KIAA1217: variants seen among roughly 807,000 people sequenced by gnomAD.
KIAA1217 encodes the protein sickle tail protein homolog.
In KIAA1217, 88 loss-of-function variants were observed where a neutral mutation model predicts 163.9. The ratio of observed to expected loss-of-function variants is 0.54; its 90% confidence interval spans 0.45 to 0.64. KIAA1217 has a LOEUF of 0.64. KIAA1217 is among the 30% of genes least tolerant of loss of function. The pLI is 0.00. For missense variants in KIAA1217, 2,372 were observed against 2,475.0 expected (o/e 0.96, Z 0.88); for synonymous variants, 903 against 923.1 (o/e 0.98, Z 0.39).
intron 1 of KIAA1217, among the ~76,000 whole-genome samples, chr10:23,964,848 C>A (rs937520669): frequency 6.6e-5 from 10 of 152,186 alleles, no homozygotes; most frequent in African/African-American, 2.4e-4. Flanking sequence ...AGCCACCATG[C>A]CTGGCCAACA....
chr10:24,184,865 G>C (rs1209191700), intron 2 of KIAA1217, among the ~76,000 whole-genome samples: 2 of 152,168 alleles, frequency 1.3e-5, no homozygotes, highest in Admixed American at 6.5e-5. Flanking sequence ...AGACACGCTG[G>C]AGAATTCTGC....
At chr10:24,173,262 C>T (rs1373149421) in intron 2 of KIAA1217, among the ~76,000 whole-genome samples, 1 of 152,122 alleles carries the variant, frequency 6.6e-6, no homozygotes, top group African/African-American at 2.4e-5. Flanking sequence ...TCCCCTATCA[C>T]CCCCAAATGG....
At chr10:23,762,208 C>T (rs1834291616) in intron 1 of KIAA1217, among the ~76,000 whole-genome samples, 1 of 152,006 alleles carries the variant, frequency 6.6e-6, no homozygotes, top group Admixed American at 6.6e-5. Context: ...GAGCTGATAC[C>T]ATTCCTTCTG....
chr10:24,030,379 A>G (rs4748925), intron 2 of KIAA1217, among the ~76,000 whole-genome samples: 150,169 of 152,100 alleles, frequency 0.99, 74,146 homozygotes, highest in Middle Eastern at 1. Context: ...AGATCTAATG[A>G]TTTAAAAGTG....
intron 2 of KIAA1217, among the ~76,000 whole-genome samples, chr10:24,274,823 T>C (rs1306240578): frequency 6.6e-6 from 1 of 152,224 alleles, no homozygotes. Flanking sequence ...TTATTTTTTG[T>C]GTAAGGTGTA....
At chr10:24,388,946 C>T (rs1282135582) in intron 3 of KIAA1217, among the ~76,000 whole-genome samples, 1 of 150,882 alleles carries the variant, frequency 6.6e-6, no homozygotes, top group African/African-American at 2.5e-5. Context: ...AACACTTTTA[C>T]ACTGTTGGTG....
chr10:24,036,804 C>G (rs1008039185), intron 2 of KIAA1217, among the ~76,000 whole-genome samples: 1 of 152,156 alleles, frequency 6.6e-6, no homozygotes, highest in Non-Finnish European at 1.5e-5. Context: ...GGATCCACCC[C>G]CATGACCCAA....
chr10:23,743,910 T>A (rs985120088), intron 1 of KIAA1217, among the ~76,000 whole-genome samples: 6 of 136,876 alleles, frequency 4.4e-5, no homozygotes, highest in African/African-American at 1.2e-4. Context: ...AAAAAAAAAA[T>A]AAATGTCTCT....
intron 3 of KIAA1217, among the ~76,000 whole-genome samples, chr10:24,403,947 A>T (rs547118126): frequency 1.3e-5 from 2 of 152,230 alleles, no homozygotes; most frequent in African/African-American, 4.8e-5. Context: ...GTAGTTTTGC[A>T]GTTCCTTTTA....
intron 2 of KIAA1217, among the ~76,000 whole-genome samples, chr10:24,315,824 G>A (rs2043280114): frequency 6.6e-6 from 1 of 151,784 alleles, no homozygotes; most frequent in Non-Finnish European, 1.5e-5. Context: ...TTGCCAGAAT[G>A]GGAATGTATC....
intron 5 of KIAA1217, chr10:24,449,631 A>T: frequency 1.0e-6 from 1 of 985,432 alleles, no homozygotes; most frequent in Non-Finnish European, 1.2e-6. Context: ...TTCCTTCTGT[A>T]AAAAACCCAA....
intron 2 of KIAA1217, among the ~76,000 whole-genome samples, chr10:24,132,055 A>T (rs2063671908): frequency 6.6e-6 from 1 of 152,190 alleles, no homozygotes; most frequent in Admixed American, 6.5e-5. Context: ...CAAGCTACTT[A>T]TAACATATGG....
chr10:24,071,503 A>G (rs1053611456), intron 2 of KIAA1217, among the ~76,000 whole-genome samples: 1 of 152,228 alleles, frequency 6.6e-6, no homozygotes, highest in African/African-American at 2.4e-5. Flanking sequence ...TTTAAAAAAA[A>G]AAGAACTCTT....
intron 18 of KIAA1217, 39 bp downstream of exon 18, chr10:24,542,809 A>G (rs774157663): frequency 1.2e-6 from 2 of 1,611,828 alleles, no homozygotes; most frequent in African/African-American, 1.3e-5. Context: ...AATACCATGC[A>G]CATTAAGTAC....
intron 2 of KIAA1217, among the ~76,000 whole-genome samples, chr10:24,173,999 G>T (rs540338674): frequency 3.3e-5 from 5 of 152,266 alleles, no homozygotes; most frequent in African/African-American, 9.6e-5. Context: ...TGTGACACCT[G>T]CCATGTTCTC....
intron 15 of KIAA1217, 23 bp from the exon 16 acceptor site, chr10:24,533,047 T>C (rs778253592): frequency 6.3e-7 from 1 of 1,593,352 alleles, no homozygotes; most frequent in Admixed American, 1.7e-5. Flanking sequence ...TAAACCACTA[T>C]CTGTTGTTTC....
In KIAA1217 at chr10:23,790,400, CATATATACATATACAT is replaced by C. The variant is rs1237961573; in HGVS notation, c.-321+95172_-321+95187del. On this transcript the variant is annotated intron_variant, in intron 1 of 18. Coordinates refer to the KIAA1217 transcript ENST00000376462. ...ATGTATATATACATATGTATATATA[CATATATACATATACAT>C]ATATACATATATACATATACATATA... 1.3e-3 allele frequency among the ~76,000 whole-genome samples: 128 copies of C among 98,432 alleles called. 15 individuals are homozygous for C. Among genetic ancestry groups the C allele is most frequent in the South Asian group, 2.1e-3 (7 of 3,328 alleles). The allele number at this position is 98,432 out of a possible 152,430, so 64.6% of individuals were successfully genotyped here.
chr10:24,312,508 G>A (rs956657569), intron 2 of KIAA1217, among the ~76,000 whole-genome samples: 7 of 152,020 alleles, frequency 4.6e-5, no homozygotes, highest in African/African-American at 1.2e-4. Context: ...AATCCCAGCT[G>A]CTCGGGAGGC....
At chr10:24,263,330 G>A (rs2075898486) in intron 2 of KIAA1217, among the ~76,000 whole-genome samples, 1 of 152,198 alleles carries the variant, frequency 6.6e-6, no homozygotes, top group African/African-American at 2.4e-5. Flanking sequence ...CAAAATTCTG[G>A]GTCGTTTCAT....
Sources: gnomAD v4.1 joint callset for allele counts (sites outside exome capture counted in the v4.1 genomes callset) on GRCh38, gnomAD v4.1.1 for gene constraint, MANE v1.5 for transcripts, NCBI Gene and HGNC (gene_info 2026-07-23, HGNC 2026-07-21) for gene names.